Variants in SNX6 observed in about 807,000 individuals in gnomAD.
The protein encoded by SNX6 is sorting nexin 6, also known as sorting nexin-6.
Under a neutral mutation model 63.0 loss-of-function variants are expected in SNX6, and 34 were observed. The observed-to-expected ratio is 0.54, with a 90% CI of 0.41 to 0.72. The LOEUF (loss-of-function observed/expected upper bound fraction) is 0.72, where lower values mean the gene tolerates loss of function less well. Ranked by LOEUF, SNX6 falls within the 30% of genes least tolerant of loss-of-function variation. SNX6 has a pLI of 0.00. For missense variants in SNX6, 398 were observed against 471.4 expected, an observed-to-expected ratio of 0.84 and a Z score of 1.44; for synonymous variants, 170 against 164.2, an observed-to-expected ratio of 1.04 and a Z score of -0.27.
chr14:34,590,284 C>T (rs769443293), intron 8 of SNX6, among the ~76,000 whole-genome samples: 65 of 151,654 alleles, frequency 4.3e-4, no homozygotes, highest in Non-Finnish European at 8.7e-4. Context: ...AAAAATTAGC[C>T]GGGCGTGGTG....
rs570730564 is a variant in SNX6 at position 34,569,426 on chromosome 14, T to A, written c.922-1413A>T. 3.3e-5 allele frequency among the ~76,000 whole-genome samples: 5 copies of A among 152,194 alleles called. No homozygotes were observed. In the South Asian group the frequency reaches 1.0e-3, roughly 32 times the overall value. The stretch of plus-strand genomic sequence containing the variant: ...GATTTGCCTATTCTGGACATGTTTT[T>A]TTTTTTTGTTTTTTGTTTTGAGATG... On this transcript the variant is annotated intron_variant, in intron 11 of 13. Transcript: ENST00000362031.
At chr14:34,629,858 G>A in intron 2 of SNX6, 49 bp downstream of exon 2, 1 of 1,549,516 alleles carries the variant, frequency 6.5e-7, no homozygotes, top group East Asian at 2.4e-5. Context: ...GACCCAGGAT[G>A]GGGAAGGAGG....
At chr14:34,571,839 A>G (rs1392760227) in intron 11 of SNX6, among the ~76,000 whole-genome samples, 1 of 152,114 alleles carries the variant, frequency 6.6e-6, no homozygotes, top group Non-Finnish European at 1.5e-5. Context: ...ACCTGTATGG[A>G]CATATGCTTT....
At chr14:34,577,851 T>A (rs1379774565) in intron 10 of SNX6, among the ~76,000 whole-genome samples, 1 of 152,140 alleles carries the variant, frequency 6.6e-6, no homozygotes, top group African/African-American at 2.4e-5. Context: ...TAGGTATGCA[T>A]AAAGGACACA....
At chr14:34,591,720 T>C (rs1442706713) in intron 8 of SNX6, among the ~76,000 whole-genome samples, 1 of 152,248 alleles carries the variant, frequency 6.6e-6, no homozygotes, top group Non-Finnish European at 1.5e-5. Flanking sequence ...TGCTTGAAGC[T>C]TGACTTATCA....
intron 5 of SNX6, among the ~76,000 whole-genome samples, chr14:34,604,946 C>T (rs1566484767): frequency 6.6e-6 from 1 of 151,976 alleles, no homozygotes; most frequent in East Asian, 1.9e-4. Flanking sequence ...TTCTTCTTTT[C>T]TCTGCCTGTG....
In SNX6 at chr14:34,613,041, C is replaced by CAAA. The variant is rs34313201; in HGVS notation, c.55-3302_55-3300dup. 1.4e-4 allele frequency among the ~76,000 whole-genome samples: 17 copies of CAAA among 117,820 alleles called. 1 individual carries two copies. The highest frequency in any genetic ancestry group is 8.3e-4 in the South Asian group (3 of 3,612). 77.3% of individuals were successfully genotyped at this position (117,820 alleles called of 152,430 possible). On this transcript the variant is annotated intron_variant, in intron 2 of 13. Coordinates refer to ENST00000362031, the MANE Select transcript of SNX6 (RefSeq NM_152233.4). ...TCCAGTGACAGAGTGAGACTCTATC[C>CAAA]AAAAAAAAAAAAAAAAAACTGACAC...
At chr14:34,578,019 C>T (rs1038948361) in intron 10 of SNX6, among the ~76,000 whole-genome samples, 1 of 151,986 alleles carries the variant, frequency 6.6e-6, no homozygotes, top group Non-Finnish European at 1.5e-5. Flanking sequence ...GCCTGGCCAA[C>T]ATGGTGAAAC....
chr14:34,568,068 C>A (rs924707318), intron 11 of SNX6, 55 bp from the exon 12 acceptor site: 17 of 1,457,688 alleles, frequency 1.2e-5, no homozygotes, highest in Non-Finnish European at 1.5e-5. Context: ...CCAGTAGTCA[C>A]ACCCAGCCAC....
intron 8 of SNX6, among the ~76,000 whole-genome samples, chr14:34,589,027 G>A (rs1455155090): frequency 1.1e-4 from 17 of 152,036 alleles, no homozygotes; most frequent in Admixed American, 3.3e-4. Context: ...CCAGCTGCTC[G>A]GGAGGCTGAG....
chr14:34,586,200 C>T (rs1882149415), intron 9 of SNX6, 30 bp downstream of exon 9: 4 of 1,475,990 alleles, frequency 2.7e-6, no homozygotes, highest in South Asian at 1.1e-5. Context: ...CGCGCCCAGC[C>T]TATTTCACGT....
Position 34,568,056 on chromosome 14 carries a change from T to C in SNX6, c.922-43A>G, listed in dbSNP as rs763654035. ...TCACAATAGTATATATACTGCATGT[T>C]TCCAGTAGTCACACCCAGCCACCAC... On this transcript the variant is annotated intron_variant, in intron 11 of 13. Transcript: ENST00000362031. 6 of 1,558,682 alleles carry C rather than the reference T, an allele frequency of 3.8e-6. No homozygotes were observed. The South Asian group carries it at 6.9e-5, about 18-fold the overall frequency.
At chr14:34,591,001 T>C (rs781043120) in intron 8 of SNX6, among the ~76,000 whole-genome samples, 2 of 152,174 alleles carry the variant, frequency 1.3e-5, no homozygotes, top group Non-Finnish European at 2.9e-5. Context: ...TCAATTTATA[T>C]AAAATACTAA....
At chr14:34,588,963 GTC>G (rs1159114054) in intron 8 of SNX6, among the ~76,000 whole-genome samples, 1 of 149,504 alleles carries the variant, frequency 6.7e-6, no homozygotes, top group African/African-American at 2.5e-5. Flanking sequence ...GCAAAACTCT[GTC>G]TCTACTAAAA....
intron 11 of SNX6, among the ~76,000 whole-genome samples, chr14:34,574,431 C>T (rs900532486): frequency 2.0e-5 from 3 of 151,382 alleles, no homozygotes; most frequent in African/African-American, 7.3e-5. Context: ...ATGCAGATCA[C>T]CTGAGGTCAG....
At chr14:34,581,836 GT>G (rs33966364) in intron 9 of SNX6, among the ~76,000 whole-genome samples, 2 of 149,886 alleles carry the variant, frequency 1.3e-5, no homozygotes, top group African/African-American at 4.9e-5. Context: ...TTTGATTTTT[GT>G]TTTTTTTTGC....
At position 34,567,945 on chromosome 14, in the gene SNX6, T is replaced by G; in HGVS notation, c.990A>C (p.Ala330=). The G allele has an allele frequency of 6.2e-7, 1 of 1,613,042 alleles. No individual in the cohort carries two copies. Among genetic ancestry groups the G allele is most frequent in the Non-Finnish European group, 8.5e-7 (1 of 1,180,002 alleles). Residue 330 remains alanine, a synonymous_variant, in exon 12 of 14, where the codon GCA becomes GCC. Coordinates refer to ENST00000362031, the MANE Select transcript of SNX6 (RefSeq NM_152233.4). ...GTAGAACATCTTTATTTTTTGCTCT[T>G]GCTTTATCCAGTGCTTTATTAGCAT... The part of the protein sequence containing the change: ...YENANKALDK[A]RAKNKDVLQA...
In SNX6 at chr14:34,597,530, T is replaced by G. The variant is rs1284898711; in HGVS notation, c.612+20A>C. The G allele has an allele frequency of 7.2e-7, 1 of 1,387,820 alleles. No homozygotes were observed. The highest frequency in any genetic ancestry group is 1.8e-5 in the Admixed American group (1 of 54,488). 86.0% of individuals were successfully genotyped at this position (1,387,820 alleles called of 1,614,324 possible). A position where few individuals can be genotyped will look rare whatever the true frequency, so the allele number is the denominator to read the frequency against. ...AAAGAAGTCTCAACTAATACCACAGTTAATCAAATAAAATCTTACCTTTAC... is the reference window on the plus strand; with the variant it reads ...AAAGAAGTCTCAACTAATACCACAGGTAATCAAATAAAATCTTACCTTTAC... On this transcript the variant is annotated intron_variant, in intron 7 of 13. Transcript: ENST00000362031.
intron 7 of SNX6, among the ~76,000 whole-genome samples, chr14:34,594,322 T>C (rs933325676): frequency 6.9e-6 from 1 of 144,528 alleles, no homozygotes; most frequent in African/African-American, 2.6e-5. Flanking sequence ...TTTTTTTTTT[T>C]GAAACAAAGC....
Sources: gnomAD v4.1 joint callset for allele counts (sites outside exome capture counted in the v4.1 genomes callset) on GRCh38, gnomAD v4.1.1 for gene constraint, MANE v1.5 for transcripts, NCBI Gene and HGNC (gene_info 2026-07-23, HGNC 2026-07-21) for gene names.